ZNF395: variants seen among roughly 807,000 people sequenced by gnomAD.
ZNF395 encodes the protein HD gene regulatory region-binding protein 2.
Under a neutral mutation model 57.7 loss-of-function variants are expected in ZNF395, and 20 were observed. That is an observed-to-expected ratio of 0.35 (90% CI 0.24 to 0.50). The LOEUF is 0.50. Ranked by LOEUF, ZNF395 falls within the 20% of genes least tolerant of loss-of-function variation. The pLI is 0.97. For synonymous variants in ZNF395, 295 were observed against 275.9 expected (o/e 1.07, Z -0.69); for missense variants, 606 against 671.2 (o/e 0.90, Z 1.07).
In ZNF395 at chr8:28,359,497, G is replaced by A. The variant is rs1585855367; in HGVS notation, c.473+95C>T. ...AATATCTTGGCACCCAGATGCCAAT[G>A]ACACCACATTTCTTCCCCACCACAA... On this transcript the variant is annotated intron_variant, in intron 3 of 9. Transcript: ENST00000344423. This position sits in a 1 kb window ranked among gnomAD's most constrained non-coding sequence, Gnocchi z 4.7. 1.4e-6 allele frequency: 2 copies of A among 1,458,410 alleles called. No individual in the cohort carries two copies. Among genetic ancestry groups the A allele is most frequent in the East Asian group, 4.8e-5 (2 of 41,976 alleles). The allele number at this position is 1,458,410 out of a possible 1,614,324, so 90.3% of individuals were successfully genotyped here. A position where few individuals can be genotyped will look rare whatever the true frequency, so the allele number is the denominator to read the frequency against.
In ZNF395 at chr8:28,352,586, C is replaced by A. The variant is rs1256918480; in HGVS notation, c.907G>T (p.Ala303Ser). ...SIVGIKRHVK[A>S]LHLGDTVDSD... The stretch of plus-strand genomic sequence containing the variant: ...GCTCGCACATACCCCAGATGGAGGG[C>A]TTTGACGTGTCGTTTGATGCCCACA... The change falls in exon 6 of 10, where the codon GCC (alanine) becomes TCC (serine). Residue 303 changes from alanine to serine, a missense_variant. Coordinates refer to ENST00000344423, the MANE Select transcript of ZNF395 (RefSeq NM_018660.3). The surrounding 1 kb of genome is among the most constrained non-coding windows in gnomAD (Gnocchi z 4.0). 3.7e-6 allele frequency: 6 copies of A among 1,614,002 alleles called. No individual in the cohort carries two copies. Among genetic ancestry groups the A allele is most frequent in the Non-Finnish European group, 5.1e-6 (6 of 1,180,010 alleles).
intron 4 of ZNF395, among the ~76,000 whole-genome samples, chr8:28,354,425 C>T (rs1257780246): frequency 2.0e-5 from 3 of 152,162 alleles, no homozygotes; most frequent in Admixed American, 6.5e-5. Context: ...TCCACAGAGC[C>T]CCCTAACCCT....
chr8:28,350,853 T>C (rs1035120043), intron 7 of ZNF395, among the ~76,000 whole-genome samples: 1 of 152,266 alleles, frequency 6.6e-6, no homozygotes, highest in Non-Finnish European at 1.5e-5. Context: ...GAGTACCTAC[T>C]ACATGCAGCG....
In ZNF395 at chr8:28,345,807, C is replaced by A. The variant is rs558501798; in HGVS notation, c.*2912G>T. On this transcript the variant is annotated 3_prime_UTR_variant, in exon 10 of 10. Transcript: ENST00000344423. The stretch of plus-strand genomic sequence containing the variant: ...TGGTAAAAGTCAGAACCTGGGATGA[C>A]CAGAAAGTAACAGGACAGATTTCTC... 3.2e-4 allele frequency: 45 copies of A among 142,634 alleles called. No individual in the cohort carries two copies. The highest frequency in any genetic ancestry group is 4.8e-4 in the Non-Finnish European group (32 of 66,568). 8.8% of individuals were successfully genotyped at this position (142,634 alleles called of 1,614,324 possible).
At position 28,355,444 on chromosome 8, in the gene ZNF395, A is replaced by AT. The variant is rs11292657; in HGVS notation, c.583+1225dup. On this transcript the variant is annotated intron_variant, in intron 4 of 9. Coordinates refer to ENST00000344423, the MANE Select transcript of ZNF395 (RefSeq NM_018660.3). The stretch of plus-strand genomic sequence containing the variant: ...GTCATCAAAAAAAATTTAATAGACA[A>AT]TTTTTTTTTTTTTTTTACAAAGGGA... Among the ~76,000 whole-genome samples the AT allele has an allele frequency of 8.2e-3, 1,177 of 143,462 alleles. 1 individual carries two copies. The highest frequency in any genetic ancestry group is 0.011 in the Admixed American group (160 of 14,300). The allele number at this position is 143,462 out of a possible 152,430, so 94.1% of individuals were successfully genotyped here. A position where few individuals can be genotyped will look rare whatever the true frequency, so the allele number is the denominator to read the frequency against.
chr8:28,368,361 T>C (rs967034906), intron 1 of ZNF395: 1 of 152,272 alleles, frequency 6.6e-6, no homozygotes, highest in Non-Finnish European at 1.5e-5. Flanking sequence ...GCTTCTCTTC[T>C]TTCCCAACTT....
chr8:28,367,807 G>C (rs897180399), intron 1 of ZNF395, among the ~76,000 whole-genome samples: 1 of 152,228 alleles, frequency 6.6e-6, no homozygotes, highest in Non-Finnish European at 1.5e-5. Flanking sequence ...TCTTCCAGCG[G>C]TAAGAAGAGG....
chr8:28,352,527 A>C lies in ZNF395; in HGVS notation c.920+46T>G. ...CACAGGGACTCGGCAGGGTGGAGGG[A>C]CACCCACACGCGACCCTAGGCTAGA... On this transcript the variant is annotated intron_variant, in intron 6 of 9. Transcript: ENST00000344423. The surrounding 1 kb of genome is among the most constrained non-coding windows in gnomAD (Gnocchi z 4.0). 6.5e-7 allele frequency: 1 copy of C among 1,542,326 alleles called. No homozygotes were observed. The highest frequency in any genetic ancestry group is 9.0e-7 in the Non-Finnish European group (1 of 1,117,202).
At chr8:28,351,929 A>G (rs947365439) in intron 6 of ZNF395, 122 bp from the exon 7 acceptor site, 2 of 1,161,062 alleles carry the variant, frequency 1.7e-6, no homozygotes, top group Non-Finnish European at 2.4e-6. Context: ...ACGGAGCCCA[A>G]GAGAACACCC....
In ZNF395 at chr8:28,356,267, C is replaced by T. The variant is rs573116263; in HGVS notation, c.583+403G>A. On this transcript the variant is annotated intron_variant, in intron 4 of 9. Transcript: ENST00000344423. This position sits in a 1 kb window ranked among gnomAD's most constrained non-coding sequence, Gnocchi z 4.0. ...CTAATTTATGAGGCTGAATTAGGCA[C>T]GTGGAATGAGGGCATGAATTTTCTG... Among the ~76,000 whole-genome samples the T allele has an allele frequency of 2.0e-5, 3 of 152,298 alleles. No individual in the cohort carries two copies. The highest frequency in any genetic ancestry group is 4.8e-5 in the African/African-American group (2 of 41,554).
intron 1 of ZNF395, among the ~76,000 whole-genome samples, chr8:28,367,949 G>A (rs750011215): frequency 5.3e-5 from 8 of 152,242 alleles, no homozygotes; most frequent in Non-Finnish European, 1.0e-4. Context: ...ACAGAAGGAA[G>A]CAGGTATAAG....
intron 1 of ZNF395, among the ~76,000 whole-genome samples, chr8:28,369,328 T>C (rs946786009): frequency 1.3e-4 from 20 of 152,146 alleles, no homozygotes; most frequent in African/African-American, 4.8e-4. Context: ...TCACATTATC[T>C]GACAATGCCA....
intron 1 of ZNF395, among the ~76,000 whole-genome samples, chr8:28,370,638 T>A (rs925489068): frequency 6.6e-6 from 1 of 152,088 alleles, no homozygotes; most frequent in Non-Finnish European, 1.5e-5. Context: ...TAAATGTGCA[T>A]CAATCGCAGA....
intron 1 of ZNF395, among the ~76,000 whole-genome samples, chr8:28,375,071 C>A (rs994320312): frequency 6.6e-6 from 1 of 152,170 alleles, no homozygotes; most frequent in Admixed American, 6.5e-5. Flanking sequence ...CTCCTCAAAG[C>A]ACTACCTATA....
At chr8:28,353,688 T>C (rs2129945937) in intron 4 of ZNF395, among the ~76,000 whole-genome samples, 1 of 152,266 alleles carries the variant, frequency 6.6e-6, no homozygotes, top group Non-Finnish European at 1.5e-5. Context: ...GATGGGGTCT[T>C]GCTATGTTGC....
chr8:28,360,579 A>G (rs1801835680), intron 2 of ZNF395, among the ~76,000 whole-genome samples: 1 of 152,248 alleles, frequency 6.6e-6, no homozygotes, highest in African/African-American at 2.4e-5. Context: ...GCAAACTGAG[A>G]CAGATTAAGA....
chr8:28,373,884 A>T (rs1305464769), intron 1 of ZNF395, among the ~76,000 whole-genome samples: 1 of 152,204 alleles, frequency 6.6e-6, no homozygotes, highest in Non-Finnish European at 1.5e-5. Flanking sequence ...CCCGTCCCAC[A>T]GTAACTCTAA....
chr8:28,359,906 G>C lies in ZNF395; in HGVS notation c.241-82C>G. On this transcript the variant is annotated intron_variant, in intron 2 of 9. Transcript: ENST00000344423. This position sits in a 1 kb window ranked among gnomAD's most constrained non-coding sequence, Gnocchi z 4.7. ...TTCTCATGCACCCCACGTCCCAGGA[G>C]CCAGGATCTGCCTGCCACAAACCAT... The C allele has an allele frequency of 6.6e-7, 1 of 1,513,372 alleles. No individual in the cohort carries two copies. 93.7% of individuals were successfully genotyped at this position (1,513,372 alleles called of 1,614,324 possible).
chr8:28,381,804 A>G (rs975948620), intron 1 of ZNF395, among the ~76,000 whole-genome samples: 2 of 152,188 alleles, frequency 1.3e-5, no homozygotes, highest in Non-Finnish European at 2.9e-5. Context: ...GAAAATGGAA[A>G]GGCTGGAGAA....
Sources: gnomAD v4.1 joint callset for allele counts (sites outside exome capture counted in the v4.1 genomes callset) on GRCh38, gnomAD v4.1.1 for gene constraint, Gnocchi (gnomAD v3.1) non-coding constraint, MANE v1.5 for transcripts, NCBI Gene and HGNC (gene_info 2026-07-23, HGNC 2026-07-21) for gene names.